Variants in ANO2 observed in about 807,000 individuals in gnomAD.
ANO2 encodes anoctamin-2.
Under a neutral mutation model 124.2 loss-of-function variants are expected in ANO2, and 101 were observed. That is an observed-to-expected ratio of 0.81 (90% CI 0.69 to 0.96). The LOEUF is 0.96. Among genes scored for constraint, ANO2 ranks in the 40% least tolerant of loss-of-function variants. ANO2 has a pLI of 0.00. For synonymous variants in ANO2, 486 were observed against 482.5 expected (o/e 1.01, Z -0.09); for missense variants, 1,293 against 1,274.5 (o/e 1.01, Z -0.22).
At chr12:5,575,688 C>T (rs140153253) in intron 23 of ANO2, 146 bp downstream of exon 23, 1 of 903,684 alleles carries the variant, frequency 1.1e-6, no homozygotes, top group East Asian at 2.7e-5. Context: ...GTATTATAAT[C>T]TTACGGGACA....
chr12:5,738,603 G>T (rs1950969154), intron 13 of ANO2, among the ~76,000 whole-genome samples: 1 of 152,138 alleles, frequency 6.6e-6, no homozygotes, highest in Admixed American at 6.5e-5. Flanking sequence ...AGGGGAGGAG[G>T]GCTGAGTGAC....
chr12:5,590,904 C>T (rs752668513), intron 20 of ANO2, among the ~76,000 whole-genome samples: 7 of 152,100 alleles, frequency 4.6e-5, no homozygotes, highest in East Asian at 1.9e-4. Flanking sequence ...AAAAAACTAG[C>T]GGCCGAGCGT....
At chr12:5,898,581 A>G (rs1055540180) in intron 3 of ANO2, among the ~76,000 whole-genome samples, 1 of 152,258 alleles carries the variant, frequency 6.6e-6, no homozygotes, top group Non-Finnish European at 1.5e-5. Flanking sequence ...ACACACAACC[A>G]TATAGATTAA....
chr12:5,907,876 C>A (rs1415146908), intron 3 of ANO2, among the ~76,000 whole-genome samples: 2 of 152,220 alleles, frequency 1.3e-5, no homozygotes, highest in Non-Finnish European at 2.9e-5. Context: ...TCCTGGGGAG[C>A]CCAGTGGGGA....
chr12:5,936,113 GT>G (rs1942642473), intron 1 of ANO2, among the ~76,000 whole-genome samples: 1 of 152,156 alleles, frequency 6.6e-6, no homozygotes, highest in African/African-American at 2.4e-5. Context: ...AGTTATAAGA[GT>G]TATTTCTATA....
intron 4 of ANO2, among the ~76,000 whole-genome samples, chr12:5,845,947 T>C (rs983660644): frequency 6.6e-6 from 1 of 152,230 alleles, no homozygotes; most frequent in African/African-American, 2.4e-5. Flanking sequence ...TAAAACTCAA[T>C]TAATTTATTT....
At chr12:5,874,104 C>T (rs1937927468) in intron 3 of ANO2, among the ~76,000 whole-genome samples, 1 of 152,220 alleles carries the variant, frequency 6.6e-6, no homozygotes, top group Admixed American at 6.5e-5. Flanking sequence ...TGCCCTCAAA[C>T]AGCTTTTAGA....
At chr12:5,683,328 C>T (rs1243183337) in intron 14 of ANO2, among the ~76,000 whole-genome samples, 2 of 152,116 alleles carry the variant, frequency 1.3e-5, no homozygotes, top group African/African-American at 2.4e-5. Context: ...CCATCAAAAG[C>T]AGGGATGAAG....
rs371452684 is a variant in ANO2 at position 5,734,128 on chromosome 12, TA to T, written c.1435-1499del. Among the ~76,000 whole-genome samples the T allele has an allele frequency of 2.0e-4, 31 of 152,324 alleles. No individual in the cohort carries two copies. The East Asian group carries it at 4.8e-3, about 24-fold the overall frequency. ...TCAGCTAAAAAAGGATTCCAAGGTCTAAAAGACTGGAAAACACTAGAACGTA... is the reference window on the plus strand; with the variant it reads ...TCAGCTAAAAAAGGATTCCAAGGTCTAAAGACTGGAAAACACTAGAACGTA... On this transcript the variant is annotated intron_variant, in intron 13 of 24. Coordinates refer to ENST00000682330, the MANE Select transcript of ANO2 (RefSeq NM_001364791.2).
At chr12:5,592,219 T>G (rs1447508781) in intron 20 of ANO2, among the ~76,000 whole-genome samples, 1 of 152,160 alleles carries the variant, frequency 6.6e-6, no homozygotes, top group African/African-American at 2.4e-5. Context: ...TAATAATTAT[T>G]TCATTGTGTT....
At position 5,578,021 on chromosome 12, in the gene ANO2, A is replaced by C. The variant is rs1359254367; in HGVS notation, c.2387-14T>G. 2 of 1,613,460 alleles carry C rather than the reference A, an allele frequency of 1.2e-6. No individual in the cohort carries two copies. The highest frequency in any genetic ancestry group is 2.7e-5 in the African/African-American group (2 of 75,018). On this transcript the variant is annotated splice_polypyrimidine_tract_variant and intron_variant, in intron 21 of 24. Transcript: ENST00000682330. ...CAAACCAGATTCCTACAAGACAGAA[A>C]AGACAGCGTCTGGCTCACTCCCGCC... is the stretch of plus-strand genomic sequence containing the variant.
At chr12:5,621,690 T>C (rs1432435343) in intron 16 of ANO2, among the ~76,000 whole-genome samples, 1 of 152,028 alleles carries the variant, frequency 6.6e-6, no homozygotes, top group African/African-American at 2.4e-5. Context: ...GGATTCACTC[T>C]TGGGGGACTG....
At chr12:5,595,200 T>C (rs540801200) in intron 20 of ANO2, among the ~76,000 whole-genome samples, 1 of 152,298 alleles carries the variant, frequency 6.6e-6, no homozygotes, top group South Asian at 2.1e-4. Context: ...GTTTGAGTTT[T>C]GTTTTTGTTT....
At chr12:5,827,198 C>G (rs1185405127) in intron 7 of ANO2, among the ~76,000 whole-genome samples, 4 of 152,132 alleles carry the variant, frequency 2.6e-5, no homozygotes, top group Non-Finnish European at 4.4e-5. Context: ...TACTTGGTCC[C>G]AAATGCTTCC....
intron 15 of ANO2, among the ~76,000 whole-genome samples, chr12:5,647,470 T>G (rs1475462889): frequency 6.6e-6 from 1 of 152,186 alleles, no homozygotes; most frequent in African/African-American, 2.4e-5. Flanking sequence ...CCATCTTACC[T>G]GATTCCTTCT....
rs139928800 is a variant in ANO2 at position 5,692,917 on chromosome 12, C to T, written c.1545+39603G>A. ...TGTTGTAAAAATCCTTGTTTATTAA[C>T]AATAATGGGAGACGTTAATAACTCC... On this transcript the variant is annotated intron_variant, in intron 14 of 24. Coordinates refer to ENST00000682330, the MANE Select transcript of ANO2 (RefSeq NM_001364791.2). 3.6e-3 allele frequency among the ~76,000 whole-genome samples: 551 copies of T among 152,280 alleles called. 9 individuals are homozygous for T. The highest frequency in any genetic ancestry group is 3.4e-3 in the Non-Finnish European group (228 of 68,026).
In ANO2 at chr12:5,838,040, G is replaced by A. The variant is rs977596677; in HGVS notation, c.634-5437C>T. ...AAATGATAAAGGGGATATCACCACC[G>A]ATCCCACAGAAGTTGATGCAGATTT... On this transcript the variant is annotated intron_variant, in intron 4 of 24. Coordinates refer to ENST00000682330, the MANE Select transcript of ANO2 (RefSeq NM_001364791.2). Among the ~76,000 whole-genome samples the A allele has an allele frequency of 7.9e-5, 12 of 152,258 alleles. No individual in the cohort carries two copies. In the East Asian group the frequency reaches 1.5e-3, roughly 20 times the overall value.
At chr12:5,933,080 G>A (rs1942495848) in intron 1 of ANO2, among the ~76,000 whole-genome samples, 1 of 152,150 alleles carries the variant, frequency 6.6e-6, no homozygotes, top group African/African-American at 2.4e-5. Context: ...CCCCACAAGG[G>A]GCCAGCTACG....
chr12:5,622,969 A>AC (rs1945197916), intron 16 of ANO2, among the ~76,000 whole-genome samples: 2 of 151,856 alleles, frequency 1.3e-5, no homozygotes, highest in Admixed American at 1.3e-4. Flanking sequence ...GTCTCAAAAA[A>AC]AAAAAAAAAA....
Sources: allele counts gnomAD v4.1 joint callset (sites outside exome capture counted in the v4.1 genomes callset), GRCh38; gene constraint gnomAD v4.1.1; transcripts MANE v1.5; gene names NCBI Gene and HGNC (gene_info 2026-07-23, HGNC 2026-07-21).